Variants in EML6 observed in about 807,000 individuals in gnomAD.
EML6 encodes echinoderm microtubule-associated protein-like 6.
A neutral mutation model predicts 240.1 loss-of-function variants in EML6; 154 were observed. That is an observed-to-expected ratio of 0.64 (90% CI 0.56 to 0.73). The LOEUF (loss-of-function observed/expected upper bound fraction) is 0.73, where lower values mean the gene tolerates loss of function less well. EML6 is among the 30% of genes least tolerant of loss of function. EML6 has a pLI of 0.00. For missense variants in EML6, 2,964 were observed against 2,474.6 expected, an observed-to-expected ratio of 1.20 and a Z score of -4.20; for synonymous variants, 1,148 against 899.0, an observed-to-expected ratio of 1.28 and a Z score of -4.95.
At chr2:54,743,504 T>C (rs1217412388) in intron 2 of EML6, among the ~76,000 whole-genome samples, 2 of 152,194 alleles carry the variant, frequency 1.3e-5, no homozygotes, top group Admixed American at 1.3e-4. Context: ...AATTCAGAGG[T>C]ATAGTTACAT....
At chr2:54,908,684 T>C (rs1415958326) in intron 24 of EML6, among the ~76,000 whole-genome samples, 1 of 152,124 alleles carries the variant, frequency 6.6e-6, no homozygotes, top group Non-Finnish European at 1.5e-5. Flanking sequence ...CAAGCAGCCT[T>C]TCTCTACTTC....
At chr2:54,928,269 G>C in intron 26 of EML6, 44 bp from the exon 27 acceptor site, 2 of 1,426,646 alleles carry the variant, frequency 1.4e-6, no homozygotes, top group East Asian at 2.5e-5. Flanking sequence ...CCCAGAGAAA[G>C]GAATAACAGT....
At chr2:54,959,009 A>G (rs2104521713) in intron 33 of EML6, 95 bp from the exon 34 acceptor site, 1 of 1,200,786 alleles carries the variant, frequency 8.3e-7, no homozygotes, top group South Asian at 1.6e-5. Flanking sequence ...GGCTGTCTGC[A>G]TCTCTAGCTC....
rs1166765561 is a variant in EML6, at chr2:54,831,777, A to G, written c.847+2300A>G. Reference sequence around the variant, plus strand: ...TAGATCATGTTCCAGTTTGAGTCCCAGGGAGTCGGAGAGGGCACAGGGGCT... The same window carrying G: ...TAGATCATGTTCCAGTTTGAGTCCCGGGGAGTCGGAGAGGGCACAGGGGCT... On this transcript the variant is annotated intron_variant, in intron 7 of 41. Transcript: ENST00000356458. 2.0e-5 allele frequency among the ~76,000 whole-genome samples: 3 copies of G among 151,964 alleles called. No homozygotes were observed. In the East Asian group the frequency reaches 5.8e-4, roughly 30 times the overall value.
At chr2:54,969,986 G>C (rs755218671) in intron 41 of EML6, 85 bp from the exon 42 acceptor site, 1 of 1,430,156 alleles carries the variant, frequency 7.0e-7, no homozygotes, top group Non-Finnish European at 9.6e-7. Context: ...CTTGACTTTT[G>C]AGCACTTGGC....
chr2:54,933,430 C>A (rs952724411), intron 28 of EML6, among the ~76,000 whole-genome samples: 18 of 152,092 alleles, frequency 1.2e-4, no homozygotes, highest in Admixed American at 1.2e-3. Flanking sequence ...AAAATGGCCC[C>A]ATTTAAAACT....
intron 16 of EML6, among the ~76,000 whole-genome samples, chr2:54,872,539 C>G (rs531269774): frequency 6.6e-6 from 1 of 152,332 alleles, no homozygotes; most frequent in South Asian, 2.1e-4. Context: ...CCACCCTCTT[C>G]TGGAGTCTCC....
intron 15 of EML6, among the ~76,000 whole-genome samples, chr2:54,869,639 G>C (rs899788324): frequency 1.3e-5 from 2 of 152,124 alleles, no homozygotes; most frequent in Admixed American, 1.3e-4. Flanking sequence ...TTTTGTCAAG[G>C]AGCAGCTTTA....
chr2:54,786,144 C>G lies in EML6; in HGVS notation c.198-27088C>G, dbSNP rs557730197. ...GGTGTAATCAATTTGAGAAGTCCCA[C>G]CGGGGCAGTAGAGGAGGAGATGGCT... is the stretch of plus-strand genomic sequence containing the variant. On this transcript the variant is annotated intron_variant, in intron 2 of 41. Coordinates refer to ENST00000356458, the MANE Select transcript of EML6 (RefSeq NM_001039753.4). Among the ~76,000 whole-genome samples the G allele has an allele frequency of 4.6e-5, 7 of 152,106 alleles. No homozygotes were observed. The East Asian group carries it at 1.4e-3, about 29-fold the overall frequency.
chr2:54,895,504 C>A, intron 21 of EML6, 104 bp downstream of exon 21: 2 of 1,139,408 alleles, frequency 1.8e-6, no homozygotes, highest in South Asian at 1.5e-5. Context: ...CACTCACTCT[C>A]AGGGTTGCAC....
At chr2:54,736,956 A>G (rs1365052173) in intron 2 of EML6, among the ~76,000 whole-genome samples, 1 of 152,226 alleles carries the variant, frequency 6.6e-6, no homozygotes. Context: ...GTAAAAGACT[A>G]AAACAGATTG....
intron 2 of EML6, among the ~76,000 whole-genome samples, chr2:54,735,680 G>C (rs1426565817): frequency 6.6e-6 from 1 of 152,194 alleles, no homozygotes; most frequent in East Asian, 1.9e-4. Flanking sequence ...CATTCCTTTT[G>C]AATGTTTGTG....
At chr2:54,857,838 G>T (rs779043371) in intron 11 of EML6, among the ~76,000 whole-genome samples, 1 of 152,204 alleles carries the variant, frequency 6.6e-6, no homozygotes, top group Non-Finnish European at 1.5e-5. Flanking sequence ...TGTACCCAGA[G>T]CAGAGTGAGT....
chr2:54,764,188 A>G (rs922388255), intron 2 of EML6, among the ~76,000 whole-genome samples: 4 of 152,240 alleles, frequency 2.6e-5, no homozygotes, highest in Non-Finnish European at 4.4e-5. Flanking sequence ...GACAGCGGCC[A>G]TTTATGCTGT....
In EML6 at chr2:54,850,078, A is replaced by G. The variant is rs758913111; in HGVS notation, c.1304A>G (p.Tyr435Cys). 6.4e-7 allele frequency: 1 copy of G among 1,552,108 alleles called. No homozygotes were observed. The highest frequency in any genetic ancestry group is 2.4e-5 in the East Asian group (1 of 40,922). ...TCCAATGATGGCCCAGTAGATGTCT[A>G]TGCTGTTGCCCAGAGGTATAAGAAA... ...VGSNDGPVDV[Y>C]AVAQRYKKIG... The change falls in exon 10 of 42, where the codon TAT (tyrosine) becomes TGT (cysteine). Residue 435 changes from tyrosine (Y) to cysteine (C), a missense_variant. Coordinates refer to ENST00000356458, the MANE Select transcript of EML6 (RefSeq NM_001039753.4).
At chr2:54,827,487 C>A in intron 5 of EML6, 79 bp from the exon 6 acceptor site, 3 of 1,175,666 alleles carry the variant, frequency 2.6e-6, no homozygotes, top group Non-Finnish European at 3.7e-6. Flanking sequence ...ATGTGAAATG[C>A]ACTGAAGTAT....
At chr2:54,748,321 A>G (rs1027591141) in intron 2 of EML6, 3 of 152,204 alleles carry the variant, frequency 2.0e-5, no homozygotes, top group Non-Finnish European at 4.4e-5. Flanking sequence ...TAAACTAAAA[A>G]TCATGGGTGT....
At chr2:54,736,081 A>G (rs576384122) in intron 2 of EML6, among the ~76,000 whole-genome samples, 5 of 152,322 alleles carry the variant, frequency 3.3e-5, no homozygotes, top group East Asian at 3.9e-4. Context: ...AAGTAGCTCA[A>G]TGTTACCAGA....
At chr2:54,794,197 A>T (rs1383701429) in intron 2 of EML6, among the ~76,000 whole-genome samples, 1 of 152,166 alleles carries the variant, frequency 6.6e-6, no homozygotes, top group Non-Finnish European at 1.5e-5. Flanking sequence ...TTGGTCATGC[A>T]GCAGGGGAGC....
Sources: allele counts gnomAD v4.1 joint callset (sites outside exome capture counted in the v4.1 genomes callset), GRCh38; gene constraint gnomAD v4.1.1; transcripts MANE v1.5; gene names NCBI Gene and HGNC (gene_info 2026-07-23, HGNC 2026-07-21).